Variants in KCNH1 observed in about 807,000 individuals in gnomAD.
The protein encoded by KCNH1 is potassium voltage-gated channel subfamily H member 1, also known as voltage-gated delayed rectifier potassium channel KCNH1.
Under a neutral mutation model 69.2 loss-of-function variants are expected in KCNH1, and 27 were observed. That is an observed-to-expected ratio of 0.39 (90% CI 0.29 to 0.54). KCNH1 has a LOEUF of 0.54. KCNH1 is among the 20% of genes least tolerant of loss of function. KCNH1 has a pLI of 0.68. For synonymous variants in KCNH1, 456 were observed against 487.7 expected (o/e 0.93, Z 0.86); for missense variants, 798 against 1,261.6 (o/e 0.63, Z 5.57).
rs185249359 is a variant in KCNH1 at position 211,096,229 on chromosome 1, A to G, written c.311-5539T>C. On this transcript the variant is annotated intron_variant, in intron 3 of 10. Transcript: ENST00000271751. ...TAGGTGCCCACCACCGCACCCGGCTAATTTTTGTATTTTTAGTAGAGATGG... is the reference window on the plus strand; with the variant it reads ...TAGGTGCCCACCACCGCACCCGGCTGATTTTTGTATTTTTAGTAGAGATGG... 1.7e-3 allele frequency among the ~76,000 whole-genome samples: 260 copies of G among 152,036 alleles called. 1 individual carries two copies. The highest frequency in any genetic ancestry group is 6.8e-3 in the Middle Eastern group (2 of 294).
intron 6 of KCNH1, among the ~76,000 whole-genome samples, chr1:210,956,771 T>C (rs1470205673): frequency 6.6e-6 from 1 of 152,124 alleles, no homozygotes; most frequent in Non-Finnish European, 1.5e-5. Context: ...CCCCTTTTCA[T>C]TTTTTATTGT....
At position 211,133,776 on chromosome 1, in the gene KCNH1, G is replaced by T; in HGVS notation, c.79+91C>A. 1 of 1,226,666 alleles carries T rather than the reference G, an allele frequency of 8.2e-7. No individual in the cohort carries two copies. Among genetic ancestry groups the T allele is most frequent in the Non-Finnish European group, 1.2e-6 (1 of 845,456 alleles). The allele number at this position is 1,226,666 out of a possible 1,614,324, so 76.0% of individuals were successfully genotyped here. On this transcript the variant is annotated intron_variant, in intron 1 of 10. Transcript: ENST00000271751. This position sits in a 1 kb window ranked among gnomAD's most constrained non-coding sequence, Gnocchi z 5.4. ...CTCCTTAGCAGAGCTCGCGGGTTCT[G>T]CTGCATCTGCTGGCTCCGAGCGGCG...
chr1:210,973,490 C>A (rs1335747866), intron 6 of KCNH1, among the ~76,000 whole-genome samples: 1 of 152,098 alleles, frequency 6.6e-6, no homozygotes, highest in Non-Finnish European at 1.5e-5. Flanking sequence ...CGTTTCTAGT[C>A]AAACTTAAAT....
chr1:210,847,563 C>T lies in KCNH1; in HGVS notation c.1463-43397G>A, dbSNP rs1574293366. Among the ~76,000 whole-genome samples the T allele has an allele frequency of 4.3e-5, 6 of 139,638 alleles. No homozygotes were observed. The South Asian group carries it at 1.4e-3, about 32-fold the overall frequency. 91.6% of individuals were successfully genotyped at this position (139,638 alleles called of 152,430 possible). On this transcript the variant is annotated intron_variant, in intron 7 of 10. Coordinates refer to ENST00000271751, the MANE Select transcript of KCNH1 (RefSeq NM_172362.3). ...CATGAAGACAGTAAGGAGAACATCACACAACGGGGCCTGTTGTGGGGTGGG... is the reference window on the plus strand; with the variant it reads ...CATGAAGACAGTAAGGAGAACATCATACAACGGGGCCTGTTGTGGGGTGGG...
chr1:210,729,913 T>C (rs1283175214), intron 10 of KCNH1, among the ~76,000 whole-genome samples: 3 of 152,174 alleles, frequency 2.0e-5, no homozygotes, highest in Non-Finnish European at 4.4e-5. Flanking sequence ...ACTGTATCAA[T>C]ATCCATTGTC....
At chr1:210,973,327 C>A (rs1410945096) in intron 6 of KCNH1, among the ~76,000 whole-genome samples, 1 of 152,126 alleles carries the variant, frequency 6.6e-6, no homozygotes, top group African/African-American at 2.4e-5. Flanking sequence ...CTCTTTATAT[C>A]TATACTATCT....
chr1:211,001,247 T>C (rs1457383963), intron 6 of KCNH1, among the ~76,000 whole-genome samples: 1 of 152,178 alleles, frequency 6.6e-6, no homozygotes, highest in Non-Finnish European at 1.5e-5. Flanking sequence ...TGGGAGAACA[T>C]TTTTGCAATC....
Position 210,972,504 on chromosome 1 carries a change from A to G in KCNH1, c.1032+46279T>C, listed in dbSNP as rs571727142. On this transcript the variant is annotated intron_variant, in intron 6 of 10. Coordinates refer to ENST00000271751, the MANE Select transcript of KCNH1 (RefSeq NM_172362.3). The stretch of plus-strand genomic sequence containing the variant: ...AAAGCTTACTTATACATTGGGAAAG[A>G]AAAAAGATAAAACCCTGCTTTTAAC... Among the ~76,000 whole-genome samples, 225 of 152,294 alleles carry G rather than the reference A, an allele frequency of 1.5e-3. 1 individual carries two copies. Among genetic ancestry groups the G allele is most frequent in the Non-Finnish European group, 2.6e-3 (176 of 68,018 alleles).
At chr1:210,952,037 C>T (rs1688072002) in intron 6 of KCNH1, among the ~76,000 whole-genome samples, 1 of 152,098 alleles carries the variant, frequency 6.6e-6, no homozygotes, top group Admixed American at 6.5e-5. Context: ...TCCAAGTGCC[C>T]ACATCTTCCT....
intron 10 of KCNH1, among the ~76,000 whole-genome samples, chr1:210,699,349 A>G (rs1681718708): frequency 6.6e-6 from 1 of 152,238 alleles, no homozygotes; most frequent in Non-Finnish European, 1.5e-5. Context: ...TATTTGGTCA[A>G]ACCTGGGCAC....
intron 6 of KCNH1, among the ~76,000 whole-genome samples, chr1:210,998,780 A>T (rs1026082861): frequency 6.6e-6 from 1 of 152,222 alleles, no homozygotes; most frequent in Admixed American, 6.5e-5. Context: ...CTCCTCAGCA[A>T]ATGTAAAAGA....
chr1:211,022,726 C>T (rs1689608478), intron 5 of KCNH1, among the ~76,000 whole-genome samples: 1 of 152,016 alleles, frequency 6.6e-6, no homozygotes, highest in Non-Finnish European at 1.5e-5. Context: ...TGAAAAAATG[C>T]TCATCATTAC....
intron 6 of KCNH1, among the ~76,000 whole-genome samples, chr1:210,924,456 GGTT>G (rs1687527254): frequency 1.3e-5 from 2 of 152,186 alleles, no homozygotes; most frequent in East Asian, 3.9e-4. Context: ...TCTATTACAT[GGTT>G]GTTGTGTAAG....
intron 5 of KCNH1, among the ~76,000 whole-genome samples, chr1:211,080,760 G>T (rs1690840711): frequency 1.3e-5 from 2 of 152,278 alleles, no homozygotes; most frequent in South Asian, 4.1e-4. Context: ...AAACTGGCTA[G>T]CCATATTGGA....
rs995181602 is a variant in KCNH1 at position 210,917,602 on chromosome 1, G to A, written c.1462+2038C>T. Among the ~76,000 whole-genome samples, 10 of 152,228 alleles carry A rather than the reference G, an allele frequency of 6.6e-5. No individual in the cohort carries two copies. The East Asian group carries it at 1.4e-3, about 21-fold the overall frequency. On this transcript the variant is annotated intron_variant, in intron 7 of 10. Transcript: ENST00000271751. Reference sequence around the variant, plus strand: ...AATCTCATATTTGAAAGCCTTTTGCGAGTCCATAAAATGGGACCCATTTTC... The same window carrying A: ...AATCTCATATTTGAAAGCCTTTTGCAAGTCCATAAAATGGGACCCATTTTC...
At chr1:211,060,584 C>T (rs1690418027) in intron 5 of KCNH1, among the ~76,000 whole-genome samples, 1 of 149,824 alleles carries the variant, frequency 6.7e-6, no homozygotes, top group African/African-American at 2.5e-5. Context: ...GAACTTTAGA[C>T]TAAAAAAAAA....
At chr1:211,070,458 C>G (rs1690621301) in intron 5 of KCNH1, among the ~76,000 whole-genome samples, 1 of 138,982 alleles carries the variant, frequency 7.2e-6, no homozygotes, top group East Asian at 2.1e-4. Flanking sequence ...CACACACACA[C>G]AAACAAACAA....
chr1:210,700,784 G>T (rs1201913823), intron 10 of KCNH1, among the ~76,000 whole-genome samples: 3 of 152,068 alleles, frequency 2.0e-5, no homozygotes, highest in Admixed American at 2.0e-4. Flanking sequence ...GGCCAGGGTT[G>T]GCTCAGGTTA....
At position 211,029,191 on chromosome 1, in the gene KCNH1, G is replaced by C. The variant is rs929706415; in HGVS notation, c.559-9935C>G. Among the ~76,000 whole-genome samples the C allele has an allele frequency of 2.3e-4, 34 of 146,732 alleles. 1 individual carries two copies. The highest frequency in any genetic ancestry group is 3.5e-3 in the Middle Eastern group (1 of 282). Reference sequence around the variant, plus strand: ...CAAAAAAAAAAAAAAAAAAAGGTCAGGGGTGGTGGTACATGCCTATAGTCC... The same window carrying C: ...CAAAAAAAAAAAAAAAAAAAGGTCACGGGTGGTGGTACATGCCTATAGTCC... On this transcript the variant is annotated intron_variant, in intron 5 of 10. Transcript: ENST00000271751.
Sources: gnomAD v4.1 joint callset for allele counts (sites outside exome capture counted in the v4.1 genomes callset) on GRCh38, gnomAD v4.1.1 for gene constraint, Gnocchi (gnomAD v3.1) non-coding constraint, MANE v1.5 for transcripts, NCBI Gene and HGNC (gene_info 2026-07-23, HGNC 2026-07-21) for gene names.